The following U2AF2 variants were observed in gnomAD, a reference collection of about 807,000 sequenced individuals.
U2AF2 encodes the protein U2 small nuclear RNA auxiliary factor 2, also known as splicing factor U2AF 65 kDa subunit.
Under a neutral mutation model 52.6 loss-of-function variants are expected in U2AF2, and 6 were observed. That is an observed-to-expected ratio of 0.11 (90% CI 0.06 to 0.23). U2AF2 has a LOEUF of 0.23. U2AF2 is among the 10% of genes least tolerant of loss of function. The pLI, the probability that U2AF2 is intolerant of heterozygous loss-of-function variation, is 1.00. For missense variants in U2AF2, 222 were observed against 677.1 expected (o/e 0.33, Z 7.46); for synonymous variants, 284 against 258.2 (o/e 1.10, Z -0.96).
Position 55,668,490 on chromosome 19 carries a change from C to G in U2AF2, c.743-17C>G. The G allele has an allele frequency of 2.6e-6, 4 of 1,563,866 alleles. No homozygotes were observed. In the South Asian group the frequency reaches 4.8e-5, roughly 19 times the overall value. ...ACCTGGTACTGGAATTGAAGTCCTCCTCTTCTCTACCCATAGGGGTTGTGT... is the reference window on the plus strand; with the variant it reads ...ACCTGGTACTGGAATTGAAGTCCTCGTCTTCTCTACCCATAGGGGTTGTGT... On this transcript the variant is annotated splice_polypyrimidine_tract_variant and intron_variant, in intron 7 of 11. Coordinates refer to ENST00000308924, the MANE Select transcript of U2AF2 (RefSeq NM_007279.3). The surrounding 1 kb of genome is among the most constrained non-coding windows in gnomAD (Gnocchi z 5.5).
At chr19:55,663,164 ACTGT>A (rs1165942511) in intron 6 of U2AF2, among the ~76,000 whole-genome samples, 2 of 147,596 alleles carry the variant, frequency 1.4e-5, no homozygotes, top group African/African-American at 2.4e-5. Flanking sequence ...ACTCCCTCTC[ACTGT>A]CTGAGCACTC....
chr19:55,672,469 C>T (rs1272881685), intron 11 of U2AF2, among the ~76,000 whole-genome samples: 1 of 152,008 alleles, frequency 6.6e-6, no homozygotes, highest in Non-Finnish European at 1.5e-5. Context: ...CTTTGCTGTG[C>T]GTTGTAGGAT....
intron 7 of U2AF2, among the ~76,000 whole-genome samples, chr19:55,667,759 CAG>C (rs1984634181): frequency 6.6e-6 from 1 of 151,532 alleles, no homozygotes; most frequent in Admixed American, 6.6e-5. Flanking sequence ...GCAGTTCTGA[CAG>C]GGCGTGAAGG....
chr19:55,657,273 C>T (rs775917833), intron 1 of U2AF2, among the ~76,000 whole-genome samples: 3 of 152,200 alleles, frequency 2.0e-5, no homozygotes, highest in Admixed American at 6.5e-5. Flanking sequence ...AAACGAAGCT[C>T]TCATTGTTTT....
At position 55,660,259 on chromosome 19, in the gene U2AF2, A is replaced by G. The variant is rs762655556; in HGVS notation, c.230+38A>G. On this transcript the variant is annotated intron_variant, in intron 3 of 11. Transcript: ENST00000308924. ...TCCTGCCCCTTCCTCCCTGATGTCC[A>G]CTCCCTTCACCTTCCTCACGCCCGT... 3.1e-6 allele frequency: 5 copies of G among 1,594,126 alleles called. No homozygotes were observed. The South Asian group carries it at 5.6e-5, about 18-fold the overall frequency.
chr19:55,659,054 G>A (rs1026778260), intron 1 of U2AF2, 156 bp from the exon 2 acceptor site: 6 of 1,236,380 alleles, frequency 4.9e-6, no homozygotes, highest in Non-Finnish European at 6.3e-6. Flanking sequence ...CTCGCTTGTG[G>A]ACCCAGGAGG....
chr19:55,673,727 A>G (rs1425477730), intron 11 of U2AF2, among the ~76,000 whole-genome samples: 62 of 152,212 alleles, frequency 4.1e-4, no homozygotes, highest in Non-Finnish European at 1.5e-5. Context: ...CTCCATGCCT[A>G]TGGTGTGTTT....
chr19:55,660,659 C>G (rs529779557), intron 4 of U2AF2, 40 bp downstream of exon 4: 2 of 1,575,876 alleles, frequency 1.3e-6, no homozygotes, highest in South Asian at 1.1e-5. Context: ...CGGGAGGGTA[C>G]AGGGGTTGGG....
At chr19:55,664,941 C>T (rs1263168522) in intron 7 of U2AF2, among the ~76,000 whole-genome samples, 3 of 152,216 alleles carry the variant, frequency 2.0e-5, no homozygotes, top group East Asian at 1.9e-4. Context: ...TGGTCTCCGA[C>T]GCCTGACCTC....
chr19:55,655,789 T>A (rs1983755405), intron 1 of U2AF2, among the ~76,000 whole-genome samples: 1 of 152,248 alleles, frequency 6.6e-6, no homozygotes, highest in Non-Finnish European at 1.5e-5. Context: ...GCGCCTCATA[T>A]TAACGTGTTT....
rs180958171 is a variant in U2AF2, at chr19:55,663,408, G to T, written c.604-198G>T. 8.7e-4 allele frequency among the ~76,000 whole-genome samples: 132 copies of T among 152,318 alleles called. 1 individual carries two copies. The highest frequency in any genetic ancestry group is 3.2e-4 in the Non-Finnish European group (22 of 68,032). ...CCTCTGTGTTTGTGTTGGGTGCCTGGTGTTTTTAATGGTCGAGTGTGAGCT... is the reference window on the plus strand; with the variant it reads ...CCTCTGTGTTTGTGTTGGGTGCCTGTTGTTTTTAATGGTCGAGTGTGAGCT... On this transcript the variant is annotated intron_variant, in intron 6 of 11. Transcript: ENST00000308924.
chr19:55,672,965 C>T (rs1310502774), intron 11 of U2AF2, among the ~76,000 whole-genome samples: 6 of 140,734 alleles, frequency 4.3e-5, no homozygotes, highest in African/African-American at 1.3e-4. Flanking sequence ...TTTTTTGAGA[C>T]GGAGCCTCAC....
chr19:55,669,777 C>G (rs918321964), intron 11 of U2AF2, 85 bp downstream of exon 11: 25 of 1,463,482 alleles, frequency 1.7e-5, no homozygotes, highest in Non-Finnish European at 2.3e-5. Context: ...TGCTCCCTCA[C>G]CCTCTCCCCC....
Position 55,660,500 on chromosome 19 carries a change from C to CCG in U2AF2, c.231-16_231-15insCG. 2.0e-6 allele frequency: 2 copies of CCG among 1,004,308 alleles called. No individual in the cohort carries two copies. The highest frequency in any genetic ancestry group is 3.1e-6 in the Non-Finnish European group (2 of 648,858). The allele number at this position is 1,004,308 out of a possible 1,614,324, so 62.2% of individuals were successfully genotyped here. ...TGAGGTTGCCCTGCCCCGCTCTCCC[C>CCG]TCCCACCTCCCCCAGTCGTTCCCCC... On this transcript the variant is annotated splice_polypyrimidine_tract_variant and intron_variant, in intron 3 of 11. Transcript: ENST00000308924.
rs1255888257 is a variant in U2AF2 at position 55,668,388 on chromosome 19, C to T, written c.743-119C>T. Reference sequence around the variant, plus strand: ...TGGGGTGGGCACGTGGCGACCCCTCCCTCGTCAGATCAGGCAGGAAGTGTT... The same window carrying T: ...TGGGGTGGGCACGTGGCGACCCCTCTCTCGTCAGATCAGGCAGGAAGTGTT... On this transcript the variant is annotated intron_variant, in intron 7 of 11. Coordinates refer to ENST00000308924, the MANE Select transcript of U2AF2 (RefSeq NM_007279.3). This position sits in a 1 kb window ranked among gnomAD's most constrained non-coding sequence, Gnocchi z 5.5. 3.8e-5 allele frequency: 39 copies of T among 1,036,504 alleles called. No homozygotes were observed. The highest frequency in any genetic ancestry group is 5.2e-5 in the Non-Finnish European group (38 of 729,820). The allele number at this position is 1,036,504 out of a possible 1,614,324, so 64.2% of individuals were successfully genotyped here.
intron 11 of U2AF2, among the ~76,000 whole-genome samples, chr19:55,672,866 ATC>A (rs1985008598): frequency 6.6e-6 from 1 of 151,330 alleles, no homozygotes; most frequent in Non-Finnish European, 1.5e-5. Context: ...GATGGTCTCG[ATC>A]TCCTGACTTT....
Position 55,655,103 on chromosome 19 carries a change from G to GC in U2AF2, c.-1dup, listed in dbSNP as rs754659151. The GC allele has an allele frequency of 1.6e-5, 26 of 1,606,564 alleles. No individual in the cohort carries two copies. Among genetic ancestry groups the GC allele is most frequent in the Non-Finnish European group, 2.2e-5 (26 of 1,177,316 alleles). On this transcript the variant is annotated 5_prime_UTR_variant, in exon 1 of 12. Coordinates refer to ENST00000308924, the MANE Select transcript of U2AF2 (RefSeq NM_007279.3). Reference sequence around the variant, plus strand: ...CACAGGGCCCTACGCGGCCGCCTCAGCATGTCGGACTTCGACGAGTTCGAG... The same window carrying GC: ...CACAGGGCCCTACGCGGCCGCCTCAGCCATGTCGGACTTCGACGAGTTCGAG...
At chr19:55,663,776 T>TC (rs950844856) in intron 7 of U2AF2, 32 bp downstream of exon 7, 2 of 1,612,644 alleles carry the variant, frequency 1.2e-6, no homozygotes, top group Non-Finnish European at 1.7e-6. Flanking sequence ...GGCCCCTTTC[T>TC]CCCCCAGTCC....
intron 5 of U2AF2, 119 bp downstream of exon 5, chr19:55,661,308 G>A: frequency 8.5e-7 from 1 of 1,171,778 alleles, no homozygotes; most frequent in Non-Finnish European, 1.1e-6. Context: ...AGACCCCCCG[G>A]CCCCCTCCCA....
Sources: allele counts gnomAD v4.1 joint callset (sites outside exome capture counted in the v4.1 genomes callset), GRCh38; gene constraint gnomAD v4.1.1; non-coding constraint Gnocchi (gnomAD v3.1); transcripts MANE v1.5; gene names NCBI Gene and HGNC (gene_info 2026-07-23, HGNC 2026-07-21).